Variants in PLA2G6 observed in about 807,000 individuals in gnomAD.
PLA2G6 encodes 85/88 kDa calcium-independent phospholipase A2.
Under a neutral mutation model 83.8 loss-of-function variants are expected in PLA2G6, and 62 were observed. That is an observed-to-expected ratio of 0.74 (90% CI 0.60 to 0.91). The LOEUF is 0.91. Among genes scored for constraint, PLA2G6 ranks in the 40% least tolerant of loss-of-function variants. The pLI is 0.00. For synonymous variants in PLA2G6, 417 were observed against 449.8 expected (o/e 0.93, Z 0.92); for missense variants, 944 against 1,102.0 (o/e 0.86, Z 2.03).
At position 38,135,584 on chromosome 22, in the gene PLA2G6, G is replaced by A. The variant is rs536400135; in HGVS notation, c.798-500C>T. 55 of 156,872 alleles carry A rather than the reference G, an allele frequency of 3.5e-4. No homozygotes were observed. In the South Asian group the frequency reaches 5.6e-3, roughly 16 times the overall value. The allele number at this position is 156,872 out of a possible 1,614,324, so 9.7% of individuals were successfully genotyped here. A position where few individuals can be genotyped will look rare whatever the true frequency, so the allele number is the denominator to read the frequency against. On this transcript the variant is annotated intron_variant, in intron 5 of 16. Coordinates refer to ENST00000332509, the MANE Select transcript of PLA2G6 (RefSeq NM_003560.4). Reference sequence around the variant, plus strand: ...GAAAGAGCACAATTGCTTTCTACTCGGTGCCTGAGGCAAGCAGTGTCCACC... The same window carrying A: ...GAAAGAGCACAATTGCTTTCTACTCAGTGCCTGAGGCAAGCAGTGTCCACC...
At chr22:38,177,362 G>A (rs2090675623) in intron 1 of PLA2G6, among the ~76,000 whole-genome samples, 1 of 151,988 alleles carries the variant, frequency 6.6e-6, no homozygotes, top group African/African-American at 2.4e-5. Context: ...AGTGGGAAAG[G>A]GCTTGATCCC....
intron 2 of PLA2G6, among the ~76,000 whole-genome samples, chr22:38,162,925 G>A (rs1331102810): frequency 1.3e-5 from 2 of 152,108 alleles, no homozygotes; most frequent in African/African-American, 4.8e-5. Context: ...GGCTCTGGAG[G>A]ACACACGGGG....
rs1174602050 is a variant in PLA2G6 at position 38,127,099 on chromosome 22, G to A, written c.1349-650C>T. 2.7e-6 allele frequency: 3 copies of A among 1,114,358 alleles called. No homozygotes were observed. In the African/African-American group the frequency reaches 4.9e-5, roughly 18 times the overall value. The allele number at this position is 1,114,358 out of a possible 1,614,324, so 69.0% of individuals were successfully genotyped here. A position where few individuals can be genotyped will look rare whatever the true frequency, so the allele number is the denominator to read the frequency against. ...GACTAGCTGCCCCTCCTGACAAGCAGCCCAGTCCCCAGGTGCCTGGTGCAG... is the reference window on the plus strand; with the variant it reads ...GACTAGCTGCCCCTCCTGACAAGCAACCCAGTCCCCAGGTGCCTGGTGCAG... On this transcript the variant is annotated intron_variant, in intron 9 of 16. Coordinates refer to ENST00000332509, the MANE Select transcript of PLA2G6 (RefSeq NM_003560.4).
chr22:38,176,416 T>G (rs957087920), intron 1 of PLA2G6, among the ~76,000 whole-genome samples: 11 of 151,806 alleles, frequency 7.2e-5, no homozygotes, highest in Non-Finnish European at 8.8e-5. Flanking sequence ...CTGCCCGAGG[T>G]GGAAATCAGG....
Position 38,120,923 on chromosome 22 carries a change from G to A in PLA2G6, c.1592-14C>T. 1.2e-6 allele frequency: 2 copies of A among 1,612,728 alleles called. No homozygotes were observed. The highest frequency in any genetic ancestry group is 8.5e-7 in the Non-Finnish European group (1 of 1,179,922). Reference sequence around the variant, plus strand: ...CCATGGACTTACCTAGGAACAAAGGGGTCAGAGGCGGGGAGATGCAGCGGC... The same window carrying A: ...CCATGGACTTACCTAGGAACAAAGGAGTCAGAGGCGGGGAGATGCAGCGGC... On this transcript the variant is annotated splice_polypyrimidine_tract_variant and intron_variant, in intron 11 of 16. Transcript: ENST00000332509.
chr22:38,180,363 A>G (rs1424222350), intron 1 of PLA2G6: 1 of 152,206 alleles, frequency 6.6e-6, no homozygotes. Context: ...CTGGTGTCAG[A>G]TTCCAGCTTC....
intron 9 of PLA2G6, chr22:38,127,408 C>T: frequency 7.6e-7 from 1 of 1,322,524 alleles, no homozygotes; most frequent in Non-Finnish European, 1.0e-6. Flanking sequence ...GGGCGTTACC[C>T]ATCTGACGCC....
At position 38,145,647 on chromosome 22, in the gene PLA2G6, G is replaced by A. The variant is rs774631197; in HGVS notation, c.216C>T (p.Phe72=). Residue 72 remains phenylalanine (F), a synonymous_variant, in exon 3 of 17, where the codon TTC becomes TTT. Transcript: ENST00000332509. ...GGGCGTCAGCCTCCAACTCCAGCTG[G>A]AAGAGTCTGTAGAGCCAGGACAGAG... ...PRNSQSGFRL[F]QLELEADALV... 2.3e-5 allele frequency: 37 copies of A among 1,610,400 alleles called. No individual in the cohort carries two copies. The highest frequency in any genetic ancestry group is 5.0e-5 in the Admixed American group (3 of 59,554).
At chr22:38,139,415 T>TTTTTTTTTTTTATTTATTTA (rs1556018150) in intron 5 of PLA2G6, 2 of 147,342 alleles carry the variant, frequency 1.4e-5, no homozygotes, top group Non-Finnish European at 3.0e-5. Flanking sequence ...ATAAATTTAT[T>TTTTTTTTTTTTATTTATTTA]TTTATTTATT....
intron 2 of PLA2G6, among the ~76,000 whole-genome samples, chr22:38,154,484 A>T (rs2089698289): frequency 6.6e-6 from 1 of 152,256 alleles, no homozygotes; most frequent in Non-Finnish European, 1.5e-5. Context: ...ATTCTTCCAG[A>T]TCTTATCCAA....
intron 10 of PLA2G6, among the ~76,000 whole-genome samples, chr22:38,124,939 C>G (rs2087746674): frequency 6.6e-6 from 1 of 152,204 alleles, no homozygotes; most frequent in African/African-American, 2.4e-5. Context: ...GGCTCTGTAG[C>G]TTGGAAGGCC....
intron 2 of PLA2G6, among the ~76,000 whole-genome samples, chr22:38,155,496 T>C (rs2089741843): frequency 6.6e-6 from 1 of 152,120 alleles, no homozygotes; most frequent in East Asian, 1.9e-4. Context: ...TTTTCAGACA[T>C]AAACAGTACA....
At chr22:38,153,631 G>A (rs1355570826) in intron 2 of PLA2G6, among the ~76,000 whole-genome samples, 7 of 143,312 alleles carry the variant, frequency 4.9e-5, no homozygotes, top group Non-Finnish European at 7.6e-5. Context: ...GCAAAACTCC[G>A]TCTCAAAAAA....
intron 2 of PLA2G6, among the ~76,000 whole-genome samples, chr22:38,167,093 T>G (rs2090245709): frequency 6.6e-6 from 1 of 151,908 alleles, no homozygotes; most frequent in African/African-American, 2.4e-5. Flanking sequence ...CCAGGCGTGG[T>G]GGCGGGTGCC....
chr22:38,143,444 T>G (rs1459687628), intron 3 of PLA2G6, 156 bp from the exon 4 acceptor site: 2 of 743,142 alleles, frequency 2.7e-6, no homozygotes, highest in Non-Finnish European at 4.8e-6. Context: ...GTTGGGCTGA[T>G]TTGAATGTAA....
intron 12 of PLA2G6, among the ~76,000 whole-genome samples, chr22:38,116,876 A>AC (rs2087239817): frequency 6.8e-6 from 1 of 146,132 alleles, no homozygotes; most frequent in East Asian, 2.0e-4. Flanking sequence ...AAAAAAAAAA[A>AC]CAGAATATTT....
chr22:38,139,099 G>A (rs553373996), intron 5 of PLA2G6: 4 of 152,224 alleles, frequency 2.6e-5, no homozygotes, highest in East Asian at 1.9e-4. Context: ...GCCTCCCAAC[G>A]TGCCACCAGC....
At chr22:38,154,149 C>T (rs963717957) in intron 2 of PLA2G6, among the ~76,000 whole-genome samples, 1 of 152,244 alleles carries the variant, frequency 6.6e-6, no homozygotes, top group African/African-American at 2.4e-5. Context: ...ATCTAAGGAC[C>T]TTCCCAGGAT....
At chr22:38,148,622 G>A (rs535977769) in intron 2 of PLA2G6, 318 of 710,122 alleles carry the variant, frequency 4.5e-4, no homozygotes, top group Middle Eastern at 4.6e-4. Context: ...GAGCCCAGGC[G>A]TCTGCCAAGA....
Sources: gnomAD v4.1 joint callset for allele counts (sites outside exome capture counted in the v4.1 genomes callset) on GRCh38, gnomAD v4.1.1 for gene constraint, MANE v1.5 for transcripts, NCBI Gene and HGNC (gene_info 2026-07-23, HGNC 2026-07-21) for gene names.